The following ACIN1 variants were observed in gnomAD, a reference collection of about 807,000 sequenced individuals.
ACIN1 encodes apoptotic chromatin condensation inducer 1.
Under a neutral mutation model 146.6 loss-of-function variants are expected in ACIN1, and 16 were observed. The observed-to-expected ratio is 0.11, with a 90% CI of 0.07 to 0.17. ACIN1 has a LOEUF of 0.17. Among genes scored for constraint, ACIN1 ranks in the 10% least tolerant of loss-of-function variants. The probability of loss-of-function intolerance (pLI) is 1.00; values close to 1 mark genes in which losing one functional copy is unlikely to be tolerated. For synonymous variants in ACIN1, 569 were observed against 582.7 expected (o/e 0.98, Z 0.34); for missense variants, 1,357 against 1,609.3 (o/e 0.84, Z 2.68).
intron 4 of ACIN1, among the ~76,000 whole-genome samples, chr14:23,088,155 A>T (rs907263350): frequency 1.3e-5 from 2 of 151,838 alleles, no homozygotes; most frequent in African/African-American, 4.8e-5. Flanking sequence ...AATTCAATAA[A>T]TTTTTTTTTG....
At chr14:23,075,570 A>C (rs2047778344) in intron 8 of ACIN1, among the ~76,000 whole-genome samples, 1 of 151,364 alleles carries the variant, frequency 6.6e-6, no homozygotes, top group Non-Finnish European at 1.5e-5. Context: ...AAGTCAGTCA[A>C]TCTCTTCCAA....
Position 23,068,356 on chromosome 14 carries a change from G to C in ACIN1, c.2265+1120C>G. ...GGCAGGCGCCCCAGCACTGGCACAA[G>C]CTCTTCTTGGGGTGTCCCAAGTAGG... On this transcript the variant is annotated intron_variant, in intron 9 of 18. Transcript: ENST00000605057. The surrounding 1 kb of genome is among the most constrained non-coding windows in gnomAD (Gnocchi z 4.3). The C allele has an allele frequency of 1.0e-6, 1 of 985,980 alleles. No homozygotes were observed. The allele number at this position is 985,980 out of a possible 1,614,324, so 61.1% of individuals were successfully genotyped here. A position where few individuals can be genotyped will look rare whatever the true frequency, so the allele number is the denominator to read the frequency against.
chr14:23,078,903 A>C lies in ACIN1; in HGVS notation c.1924T>G (p.Ser642Ala), dbSNP rs1017342630. ...CGCCTTGCTTGGACAGAGGATGAGG[A>C]GGTGGAAGTCCTCTCCTTTGGCTCA... ...VCEPKERTST[S>A]SSSVQARRLS... Residue 642 changes from serine (S) to alanine (A), a missense_variant, in exon 7 of 19, where the codon TCC (serine) becomes GCC (alanine). Physicochemically the swap from Ser to Ala is moderately conservative, Grantham distance 99. This residue lies in a region of ACIN1 where 771 missense variants were observed against 746.6 expected (regional missense o/e 1.03). Transcript: ENST00000605057. 1 of 1,613,964 alleles carries C rather than the reference A, an allele frequency of 6.2e-7. No individual in the cohort carries two copies. Among genetic ancestry groups the C allele is most frequent in the African/African-American group, 1.3e-5 (1 of 74,926 alleles).
At chr14:23,064,906 A>AAAAAAAG (rs2047403086) in intron 10 of ACIN1, among the ~76,000 whole-genome samples, 1 of 151,820 alleles carries the variant, frequency 6.6e-6, no homozygotes, top group South Asian at 2.1e-4. Flanking sequence ...CAAAAAAAAA[A>AAAAAAAG]AAAGAAAAGA....
chr14:23,081,534 G>A, intron 5 of ACIN1, among the ~76,000 whole-genome samples: 1 of 152,214 alleles, frequency 6.6e-6, no homozygotes, highest in African/African-American at 2.4e-5. Flanking sequence ...GGAGGCTGAG[G>A]TGGAAGGACT....
upstream of ACIN1, chr14:23,095,312 G>T (rs764733151): frequency 3.2e-6 from 5 of 1,565,612 alleles, no homozygotes; most frequent in South Asian, 1.2e-5. Flanking sequence ...CTTTCCATCC[G>T]CCCTGCAGCG....
At chr14:23,077,014 A>G (rs2047818841) in intron 8 of ACIN1, among the ~76,000 whole-genome samples, 1 of 152,238 alleles carries the variant, frequency 6.6e-6, no homozygotes, top group Admixed American at 6.5e-5. Context: ...CAAACAAAAA[A>G]TGTTAACAGC....
chr14:23,069,570 T>C lies in ACIN1; in HGVS notation c.2171A>G (p.Glu724Gly), dbSNP rs749512242. The part of the protein sequence containing the change: ...VTMDTSENRP[E>G]NDVPEPPMPI... ...CATGGGAGGTTCTGGAACATCATTT[T>C]CAGGTCTGTTTTCACTTGTGTCCAT... The change falls in exon 9 of 19, where the codon GAA becomes GGA. Residue 724 changes from glutamate (E) to glycine (G), a missense_variant. Coordinates refer to ENST00000605057, the MANE Select transcript of ACIN1 (RefSeq NM_001386863.1). 35 of 1,597,966 alleles carry C rather than the reference T, an allele frequency of 2.2e-5. No homozygotes were observed. The East Asian group carries it at 8.0e-4, about 37-fold the overall frequency.
chr14:23,087,750 T>A (rs2048124386), intron 4 of ACIN1, among the ~76,000 whole-genome samples: 1 of 152,088 alleles, frequency 6.6e-6, no homozygotes, highest in African/African-American at 2.4e-5. Flanking sequence ...TTTAAAGCCC[T>A]CTGTGTATCA....
rs2047591018 is a variant in ACIN1, at chr14:23,070,205, G to GGGGGTGC, written c.2124-595_2124-589dup. Among the ~76,000 whole-genome samples, 10 of 150,998 alleles carry GGGGGTGC rather than the reference G, an allele frequency of 6.6e-5. No individual in the cohort carries two copies. The South Asian group carries it at 2.1e-3, about 32-fold the overall frequency. Reference sequence around the variant, plus strand: ...AGCATGGAGAAAATGGTGGGGGGTGGGGGGTGCGGGGCGGGGGGTGGGAGC... The same window carrying GGGGGTGC: ...AGCATGGAGAAAATGGTGGGGGGTGGGGGGTGCGGGGTGCGGGGCGGGGGGTGGGAGC... On this transcript the variant is annotated intron_variant, in intron 8 of 18. Coordinates refer to ENST00000605057, the MANE Select transcript of ACIN1 (RefSeq NM_001386863.1).
chr14:23,086,810 A>G, intron 4 of ACIN1, among the ~76,000 whole-genome samples: 1 of 152,334 alleles, frequency 6.6e-6, no homozygotes, highest in African/African-American at 2.4e-5. Flanking sequence ...AATTTTGCCA[A>G]TAGCATATAA....
Position 23,078,819 on chromosome 14 carries a change from C to T in ACIN1, c.2007+1G>A, listed in dbSNP as rs2047867753. The T allele has an allele frequency of 1.2e-6, 2 of 1,612,022 alleles. No individual in the cohort carries two copies. Among genetic ancestry groups the T allele is most frequent in the Non-Finnish European group, 1.7e-6 (2 of 1,179,686 alleles). Reference sequence around the variant, plus strand: ...TGTAGGGAGGGGTCACAATAGCCTACCCGCTCAGGCTGTAACCTCTGGGTC... The same window carrying T: ...TGTAGGGAGGGGTCACAATAGCCTATCCGCTCAGGCTGTAACCTCTGGGTC... On this transcript the variant is annotated splice_donor_variant, in intron 7 of 18. Transcript: ENST00000605057. LOFTEE classifies it high-confidence loss of function.
At position 23,080,176 on chromosome 14, in the gene ACIN1, C is replaced by A. The variant is rs1332446275; in HGVS notation, c.1159G>T (p.Ala387Ser). 1 of 1,614,020 alleles carries A rather than the reference C, an allele frequency of 6.2e-7. No homozygotes were observed. The change falls in exon 6 of 19, where the codon GCC (alanine) becomes TCC (serine). Residue 387 changes from alanine (A) to serine (S), a missense_variant. Physicochemically the swap from Ala to Ser is moderately conservative, Grantham distance 99. Transcript: ENST00000605057. ...GATAACTGAATGAGGACAGCGGGGG[C>A]TGGGCCTTCCATGGGCTCTATTTCT... is the stretch of plus-strand genomic sequence containing the variant. The part of the protein sequence containing the change: ...EEEIEPMEGP[A>S]PAVLIQLSPP...
chr14:23,090,198 T>C, intron 3 of ACIN1, 97 bp from the exon 4 acceptor site: 2 of 1,477,782 alleles, frequency 1.4e-6, no homozygotes, highest in Non-Finnish European at 1.8e-6. Flanking sequence ...AAGTCACAGA[T>C]ACAGAGATAC....
At chr14:23,095,322 GC>G (rs780435783), upstream of ACIN1, 4 of 1,560,818 alleles carry the variant, frequency 2.6e-6, no homozygotes, top group African/African-American at 5.4e-5. Flanking sequence ...GCCCTGCAGC[GC>G]CCCTTTTCTC....
chr14:23,095,053 G>C lies in ACIN1; in HGVS notation c.60C>G (p.Thr20=), dbSNP rs1228543994. 6.2e-7 allele frequency: 1 copy of C among 1,613,798 alleles called. No homozygotes were observed. The highest frequency in any genetic ancestry group is 1.3e-5 in the African/African-American group (1 of 75,066). Reference sequence around the variant, plus strand: ...GCTGCTCCAGTGCGGCCTTCAGGTCGGTCACCCGCAGCGCCTGAAGAGGCT... The same window carrying C: ...GCTGCTCCAGTGCGGCCTTCAGGTCCGTCACCCGCAGCGCCTGAAGAGGCT... ...DGKPLQALRV[T]DLKAALEQRG... is the part of the protein sequence containing the mutation. The change falls in exon 1 of 19, where the codon ACC becomes ACG. Residue 20 remains threonine (T), a synonymous_variant. Coordinates refer to ENST00000605057, the MANE Select transcript of ACIN1 (RefSeq NM_001386863.1).
At chr14:23,094,351 T>C (rs2048310248) in intron 1 of ACIN1, 1 of 426,350 alleles carries the variant, frequency 2.3e-6, no homozygotes, top group Non-Finnish European at 3.1e-6. Flanking sequence ...CGATTCAAAA[T>C]CCCCAATATA....
In ACIN1 at chr14:23,081,798, CAG is replaced by C; in HGVS notation, c.473_474del (p.Ser158Ter). The C allele has an allele frequency of 6.2e-7, 1 of 1,613,016 alleles. No homozygotes were observed. Among genetic ancestry groups the C allele is most frequent in the Non-Finnish European group, 8.5e-7 (1 of 1,179,920 alleles). The part of the protein sequence containing the change: ...SSSISEEKGD[S>X]DDEKPRKGER... ...TCTCCTTTCCTTGGTTTCTCATCAT[CAG>C]AGTCACCTTTCTCTTCAGAAATTGA... On this transcript the variant is annotated frameshift_variant, in exon 5 of 19. Transcript: ENST00000605057. LOFTEE classifies it high-confidence loss of function.
Position 23,059,331 on chromosome 14 carries a change from CCGA to C in ACIN1, c.3666_3668del (p.Arg1223del). The C allele has an allele frequency of 6.2e-7, 1 of 1,605,822 alleles. No individual in the cohort carries two copies. ...CCCTGTCCCTCTCCCGACTGTGCTC[CCGA>C]CGTTTCTCTCGCTCCAGCTGTCGGT... is the stretch of plus-strand genomic sequence containing the variant. On this transcript the variant is annotated inframe_deletion, in exon 19 of 19. Coordinates refer to ENST00000605057, the MANE Select transcript of ACIN1 (RefSeq NM_001386863.1).
Sources: allele counts gnomAD v4.1 joint callset (sites outside exome capture counted in the v4.1 genomes callset), GRCh38; gene constraint gnomAD v4.1.1; regional missense constraint gnomAD v4.1.1; non-coding constraint Gnocchi (gnomAD v3.1); transcripts MANE v1.5; gene names NCBI Gene and HGNC (gene_info 2026-07-23, HGNC 2026-07-21).